The following BAZ1B variants were observed in gnomAD, a reference collection of about 807,000 sequenced individuals.
BAZ1B encodes bromodomain adjacent to zinc finger domain 1B.
Under a neutral mutation model 153.8 loss-of-function variants are expected in BAZ1B, and 22 were observed. The ratio of observed to expected loss-of-function variants is 0.14; its 90% confidence interval spans 0.10 to 0.20. The LOEUF is 0.20. BAZ1B is among the 10% of genes least tolerant of loss of function. The probability of loss-of-function intolerance (pLI) is 1.00; values close to 1 mark genes in which losing one functional copy is unlikely to be tolerated. For synonymous variants in BAZ1B, 676 were observed against 633.4 expected, an observed-to-expected ratio of 1.07 and a Z score of -1.01; for missense variants, 1,325 against 1,799.3, an observed-to-expected ratio of 0.74 and a Z score of 4.77.
intron 4 of BAZ1B, among the ~76,000 whole-genome samples, chr7:73,497,346 T>C (rs1789954258): frequency 6.6e-6 from 1 of 152,134 alleles, no homozygotes; most frequent in South Asian, 2.1e-4. Flanking sequence ...CAGGAGGTCA[T>C]TAGGAAATGA....
At chr7:73,499,713 G>A (rs1289044750) in intron 3 of BAZ1B, among the ~76,000 whole-genome samples, 1 of 152,150 alleles carries the variant, frequency 6.6e-6, no homozygotes, top group Non-Finnish European at 1.5e-5. Context: ...GGGCATTAGA[G>A]GGCTGCGAAC....
intron 4 of BAZ1B, among the ~76,000 whole-genome samples, chr7:73,494,406 G>C (rs967512393): frequency 1.3e-5 from 2 of 151,842 alleles, no homozygotes; most frequent in Non-Finnish European, 2.9e-5. Flanking sequence ...ACATAAAATG[G>C]AAAGTTGATA....
At chr7:73,465,002 C>T (rs1209777286) in intron 11 of BAZ1B, among the ~76,000 whole-genome samples, 4 of 151,944 alleles carry the variant, frequency 2.6e-5, no homozygotes, top group African/African-American at 9.7e-5. Flanking sequence ...CTCAAAGTGC[C>T]GGGATTACAG....
chr7:73,501,777 C>T (rs1176226797), intron 3 of BAZ1B, among the ~76,000 whole-genome samples: 1 of 152,104 alleles, frequency 6.6e-6, no homozygotes, highest in African/African-American at 2.4e-5. Flanking sequence ...AATGTTGCCT[C>T]CTCAGAGGAG....
rs73362327 is a variant in BAZ1B, at chr7:73,453,057, A to C, written c.3433-2063T>G. Among the ~76,000 whole-genome samples, 216 of 152,382 alleles carry C rather than the reference A, an allele frequency of 1.4e-3. 2 individuals carry two copies. Among genetic ancestry groups the C allele is most frequent in the African/African-American group, 4.5e-3 (187 of 41,602 alleles). ...GACAATCCATTTTTATAAATAAGGA[A>C]GCTGAATCCTAGATTAGAGACTGAT... On this transcript the variant is annotated intron_variant, in intron 13 of 19. Transcript: ENST00000339594.
intron 12 of BAZ1B, 99 bp downstream of exon 12, chr7:73,462,823 T>C (rs1463351863): frequency 1.5e-6 from 2 of 1,301,260 alleles, no homozygotes; most frequent in Non-Finnish European, 2.2e-6. Context: ...ACATCTGATT[T>C]CCAGGAGGGT....
chr7:73,512,833 A>G (rs1339383059), intron 1 of BAZ1B, among the ~76,000 whole-genome samples: 1 of 151,324 alleles, frequency 6.6e-6, no homozygotes, highest in Non-Finnish European at 1.5e-5. Flanking sequence ...AAATATTCTA[A>G]TTTTTGTTTT....
In BAZ1B at chr7:73,471,872, TA is replaced by T. The variant is rs529528781; in HGVS notation, c.2594-1390del. ...AGAAAATAGCACAAAGGTAAATGAT[TA>T]AAAAAAAAAAAAAGCGAGAGAGTGA... On this transcript the variant is annotated intron_variant, in intron 7 of 19. Transcript: ENST00000339594. Among the ~76,000 whole-genome samples the T allele has an allele frequency of 6.0e-3, 858 of 141,868 alleles. 2 individuals carry two copies. The highest frequency in any genetic ancestry group is 0.013 in the African/African-American group (524 of 38,924). 93.1% of individuals were successfully genotyped at this position (141,868 alleles called of 152,430 possible).
In BAZ1B at chr7:73,521,934, C is replaced by CGCG. The variant is rs1482380778; in HGVS notation, c.-4_-2dup. ...GCTTGCGGCCCAGGAGCGGCGCCAT[C>CGCG]GCGGCGGCGGCGGTGGGGACTGGCG... On this transcript the variant is annotated 5_prime_UTR_variant, in exon 1 of 20. Transcript: ENST00000339594. The CGCG allele has an allele frequency of 8.3e-6, 12 of 1,454,508 alleles. No individual in the cohort carries two copies. Among genetic ancestry groups the CGCG allele is most frequent in the East Asian group, 3.2e-5 (1 of 30,776 alleles). 90.1% of individuals were successfully genotyped at this position (1,454,508 alleles called of 1,614,324 possible).
At position 73,457,632 on chromosome 7, in the gene BAZ1B, G is replaced by C. The variant is rs138274702; in HGVS notation, c.3432+1904C>G. On this transcript the variant is annotated intron_variant, in intron 13 of 19. Coordinates refer to ENST00000339594, the MANE Select transcript of BAZ1B (RefSeq NM_032408.4). The stretch of plus-strand genomic sequence containing the variant: ...TCTCCGCAGACTAAAACCTTAATAG[G>C]AGTGTCTTTTGTTATTCAGAGGAGC... 6.8e-3 allele frequency among the ~76,000 whole-genome samples: 1,041 copies of C among 152,212 alleles called. 11 individuals are homozygous for C. Among genetic ancestry groups the C allele is most frequent in the African/African-American group, 0.024 (984 of 41,512 alleles).
At chr7:73,481,190 TG>T (rs1789182986) in intron 6 of BAZ1B, among the ~76,000 whole-genome samples, 1 of 151,616 alleles carries the variant, frequency 6.6e-6, no homozygotes. Flanking sequence ...CCCAAAGTGC[TG>T]GGATTACAGG....
Position 73,498,496 on chromosome 7 carries a change from CTAA to C in BAZ1B, c.569_571del (p.Ile190del). Reference sequence around the variant, plus strand: ...CTAAGGAAAGCTAATATCAAACATACTAATACTCTCTCTCCTTCCTTCATCCTC... The same window carrying C: ...CTAAGGAAAGCTAATATCAAACATACTACTCTCTCTCCTTCCTTCATCCTC... On this transcript the variant is annotated inframe_deletion and splice_region_variant, in exon 4 of 20. Transcript: ENST00000339594. 6.2e-7 allele frequency: 1 copy of C among 1,612,060 alleles called. No homozygotes were observed. The highest frequency in any genetic ancestry group is 8.5e-7 in the Non-Finnish European group (1 of 1,178,328).
chr7:73,512,414 A>T (rs1583956957), intron 1 of BAZ1B, among the ~76,000 whole-genome samples: 1 of 152,166 alleles, frequency 6.6e-6, no homozygotes, highest in East Asian at 1.9e-4. Context: ...TTTAAAAAAT[A>T]AATTTCATAA....
chr7:73,463,640 C>A (rs1788471362), intron 11 of BAZ1B, among the ~76,000 whole-genome samples: 1 of 152,020 alleles, frequency 6.6e-6, no homozygotes, highest in Non-Finnish European at 1.5e-5. Flanking sequence ...ATGCTCTGCC[C>A]AAAGAGAAGG....
At position 73,450,985 on chromosome 7, in the gene BAZ1B, C is replaced by T. The variant is rs1023530227; in HGVS notation, c.3442G>A (p.Ala1148Thr). The part of the protein sequence containing the change: ...KMVEEAKVAS[A>T]LEKWKTAIRE... ...ATTGCTGTCTTCCATTTCTCCAGTG[C>T]AGATGCAACCTAAACAGAGACCAAA... Residue 1148 changes from alanine to threonine, a missense_variant, in exon 14 of 20, where the codon GCA (alanine) becomes ACA (threonine). Ala to Thr is a moderately conservative substitution (Grantham distance 58). Transcript: ENST00000339594. This position sits in a 1 kb window ranked among gnomAD's most constrained non-coding sequence, Gnocchi z 4.1. 6.2e-7 allele frequency: 1 copy of T among 1,614,138 alleles called. No homozygotes were observed. Among genetic ancestry groups the T allele is most frequent in the Non-Finnish European group, 8.5e-7 (1 of 1,180,026 alleles).
chr7:73,517,931 A>C (rs1233495993), intron 1 of BAZ1B, among the ~76,000 whole-genome samples: 1 of 152,190 alleles, frequency 6.6e-6, no homozygotes, highest in Admixed American at 6.6e-5. Context: ...AGAGTCAAAC[A>C]AGCATAACTG....
At chr7:73,467,430 C>T (rs1788636998) in intron 9 of BAZ1B, among the ~76,000 whole-genome samples, 2 of 151,968 alleles carry the variant, frequency 1.3e-5, no homozygotes, top group African/African-American at 2.4e-5. Context: ...AGTGCAGTGG[C>T]GCAATCTTGG....
At chr7:73,445,405 T>G (rs918154282) in intron 16 of BAZ1B, among the ~76,000 whole-genome samples, 1 of 152,110 alleles carries the variant, frequency 6.6e-6, no homozygotes, top group African/African-American at 2.4e-5. Flanking sequence ...GTCTGAAAGA[T>G]AGAGTTGACA....
At chr7:73,448,080 G>A (rs547861657) in intron 15 of BAZ1B, among the ~76,000 whole-genome samples, 1 of 152,314 alleles carries the variant, frequency 6.6e-6, no homozygotes, top group Non-Finnish European at 1.5e-5. Context: ...TGAGGCAGGC[G>A]GATCACCTAA....
Sources: gnomAD v4.1 joint callset for allele counts (sites outside exome capture counted in the v4.1 genomes callset) on GRCh38, gnomAD v4.1.1 for gene constraint, Gnocchi (gnomAD v3.1) non-coding constraint, MANE v1.5 for transcripts, NCBI Gene and HGNC (gene_info 2026-07-23, HGNC 2026-07-21) for gene names.